Variants in TOP1 observed in about 807,000 individuals in gnomAD.
The protein encoded by TOP1 is DNA topoisomerase I.
TOP1 carries 10 observed loss-of-function variants against 111.1 expected under a neutral mutation model. That is an observed-to-expected ratio of 0.09 (90% CI 0.06 to 0.15). TOP1 has a LOEUF of 0.15. Among genes scored for constraint, TOP1 ranks in the 10% least tolerant of loss-of-function variants. The pLI, the probability that TOP1 is intolerant of heterozygous loss-of-function variation, is 1.00. For missense variants in TOP1, 474 were observed against 926.7 expected (o/e 0.51, Z 6.34); for synonymous variants, 271 against 302.9 (o/e 0.89, Z 1.10).
In TOP1 at chr20:41,028,961, G is replaced by T; in HGVS notation, c.-107G>T. ...CCCACAGTCACCGCCGCTTACCTGC[G>T]CCTCCTCGAGCCTCCGGAGTCCCCG... On this transcript the variant is annotated 5_prime_UTR_variant, in exon 1 of 21. Transcript: ENST00000361337. 1.1e-6 allele frequency: 1 copy of T among 906,902 alleles called. No homozygotes were observed. The highest frequency in any genetic ancestry group is 1.7e-6 in the Non-Finnish European group (1 of 591,140). 56.2% of individuals were successfully genotyped at this position (906,902 alleles called of 1,614,324 possible).
chr20:41,121,651 T>C lies in TOP1; in HGVS notation c.1951-45T>C, dbSNP rs2034424736. 6.6e-7 allele frequency: 1 copy of C among 1,515,734 alleles called. No individual in the cohort carries two copies. Among genetic ancestry groups the C allele is most frequent in the African/African-American group, 1.4e-5 (1 of 72,936 alleles). 93.9% of individuals were successfully genotyped at this position (1,515,734 alleles called of 1,614,324 possible). ...GGTTTCACCTTCTCAGGTGGAGCCA[T>C]TTTTCCTCTACAGCTCATAACCTTA... On this transcript the variant is annotated intron_variant, in intron 18 of 20. Coordinates refer to ENST00000361337, the MANE Select transcript of TOP1 (RefSeq NM_003286.4). The surrounding 1 kb of genome is among the most constrained non-coding windows in gnomAD (Gnocchi z 4.2).
At chr20:41,081,314 A>G (rs551719291) in intron 7 of TOP1, 74 bp downstream of exon 7, 1 of 1,500,770 alleles carries the variant, frequency 6.7e-7, no homozygotes, top group Admixed American at 2.4e-5. Flanking sequence ...ACTTCTTAAG[A>G]CAAATGAGTT....
chr20:41,032,489 G>GTAGCT lies in TOP1; in HGVS notation c.58+3035_58+3039dup, dbSNP rs2033133157. ...ATTATTACAGTACTGTACAGGCTGC[G>GTAGCT]TAGCTATCTGTAGAATTGATAATGG... On this transcript the variant is annotated intron_variant, in intron 2 of 20. Transcript: ENST00000361337. The surrounding 1 kb of genome is among the most constrained non-coding windows in gnomAD (Gnocchi z 4.3). 6.6e-6 allele frequency among the ~76,000 whole-genome samples: 1 copy of GTAGCT among 152,214 alleles called. No homozygotes were observed. Among genetic ancestry groups the GTAGCT allele is most frequent in the African/African-American group, 2.4e-5 (1 of 41,450 alleles).
rs998161697 is a variant in TOP1 at position 41,058,988 on chromosome 20, A to G, written c.59-2406A>G. 6.6e-6 allele frequency among the ~76,000 whole-genome samples: 1 copy of G among 152,192 alleles called. No homozygotes were observed. Among genetic ancestry groups the G allele is most frequent in the Non-Finnish European group, 1.5e-5 (1 of 68,038 alleles). On this transcript the variant is annotated intron_variant, in intron 2 of 20. Transcript: ENST00000361337. This position sits in a 1 kb window ranked among gnomAD's most constrained non-coding sequence, Gnocchi z 4.2. Reference sequence around the variant, plus strand: ...GTACACCACGGAATACTGTGCAGCCATAAGAAGAACGAGATTGTGTCCTTT... The same window carrying G: ...GTACACCACGGAATACTGTGCAGCCGTAAGAAGAACGAGATTGTGTCCTTT...
intron 2 of TOP1, among the ~76,000 whole-genome samples, chr20:41,033,068 A>G (rs1363295080): frequency 6.6e-6 from 1 of 152,178 alleles, no homozygotes; most frequent in Non-Finnish European, 1.5e-5. Flanking sequence ...CTTTGACATA[A>G]AAGAAAGTTG....
At position 41,100,270 on chromosome 20, in the gene TOP1, CA is replaced by C. The variant is rs2145951961; in HGVS notation, c.1163+32del. On this transcript the variant is annotated intron_variant, in intron 12 of 20. Coordinates refer to ENST00000361337, the MANE Select transcript of TOP1 (RefSeq NM_003286.4). This position sits in a 1 kb window ranked among gnomAD's most constrained non-coding sequence, Gnocchi z 4.4. ...TGAGCTCGCACTTCATCCTATGGGCCAAAAAGGGGGTGGAGGGCGTCCTTTA... is the reference window on the plus strand; with the variant it reads ...TGAGCTCGCACTTCATCCTATGGGCCAAAAGGGGGTGGAGGGCGTCCTTTA... 1.9e-6 allele frequency: 3 copies of C among 1,584,192 alleles called. No homozygotes were observed. The highest frequency in any genetic ancestry group is 1.7e-6 in the Non-Finnish European group (2 of 1,162,486).
rs1333745375 is a variant in TOP1 at position 41,078,889 on chromosome 20, T to G, written c.336-1196T>G. ...ACTGGAATACAGTTTTCAGGTAAATTGTTTTAGGACTTCTTCCTTCAGACC... is the reference window on the plus strand; with the variant it reads ...ACTGGAATACAGTTTTCAGGTAAATGGTTTTAGGACTTCTTCCTTCAGACC... On this transcript the variant is annotated intron_variant, in intron 5 of 20. Coordinates refer to ENST00000361337, the MANE Select transcript of TOP1 (RefSeq NM_003286.4). This position sits in a 1 kb window ranked among gnomAD's most constrained non-coding sequence, Gnocchi z 5.3. Among the ~76,000 whole-genome samples, 1 of 152,184 alleles carries G rather than the reference T, an allele frequency of 6.6e-6. No homozygotes were observed. The highest frequency in any genetic ancestry group is 2.4e-5 in the African/African-American group (1 of 41,448).
At chr20:41,037,122 G>A (rs1008810936) in intron 2 of TOP1, among the ~76,000 whole-genome samples, 6 of 152,090 alleles carry the variant, frequency 3.9e-5, no homozygotes, top group South Asian at 4.1e-4. Flanking sequence ...GAGCCACCGC[G>A]CCAAGCCTAA....
At chr20:41,041,308 AG>A (rs2122595852) in intron 2 of TOP1, among the ~76,000 whole-genome samples, 2 of 151,974 alleles carry the variant, frequency 1.3e-5, no homozygotes, top group Non-Finnish European at 2.9e-5. Flanking sequence ...AAATTAGCCA[AG>A]CATGGTGGTG....
In TOP1 at chr20:41,029,952, G is replaced by A. The variant is rs1190829794; in HGVS notation, c.58+497G>A. ...TTATTATTTTTTAAACTTTATTTTG[G>A]GGGTTATTCCCTTTATGCTTCATGT... On this transcript the variant is annotated intron_variant, in intron 2 of 20. Coordinates refer to ENST00000361337, the MANE Select transcript of TOP1 (RefSeq NM_003286.4). The surrounding 1 kb of genome is among the most constrained non-coding windows in gnomAD (Gnocchi z 6.1). Among the ~76,000 whole-genome samples the A allele has an allele frequency of 6.6e-6, 1 of 152,132 alleles. No homozygotes were observed. Among genetic ancestry groups the A allele is most frequent in the African/African-American group, 2.4e-5 (1 of 41,422 alleles).
At chr20:41,111,498 TG>T (rs2034239039) in intron 13 of TOP1, among the ~76,000 whole-genome samples, 1 of 152,178 alleles carries the variant, frequency 6.6e-6, no homozygotes, top group Admixed American at 6.5e-5. Flanking sequence ...TTTTAATTTC[TG>T]AGTACTTTTA....
intron 18 of TOP1, among the ~76,000 whole-genome samples, chr20:41,120,310 T>G (rs553978833): frequency 9.2e-5 from 14 of 152,232 alleles, no homozygotes; most frequent in African/African-American, 3.4e-4. Flanking sequence ...GTAAAACATA[T>G]TTAGTGATCC....
intron 3 of TOP1, among the ~76,000 whole-genome samples, chr20:41,073,945 A>G (rs575618382): frequency 6.6e-6 from 1 of 152,296 alleles, no homozygotes; most frequent in African/African-American, 2.4e-5. Context: ...CCTTGTATAG[A>G]TGACTGTATA....
At chr20:41,120,876 G>T (rs2145972833) in intron 18 of TOP1, among the ~76,000 whole-genome samples, 1 of 152,252 alleles carries the variant, frequency 6.6e-6, no homozygotes, top group East Asian at 1.9e-4. Flanking sequence ...CGAGTAGCTG[G>T]GACTACAGGC....
rs1006558317 is a variant in TOP1, at chr20:41,046,142, A to C, written c.59-15252A>C. On this transcript the variant is annotated intron_variant, in intron 2 of 20. Transcript: ENST00000361337. This position sits in a 1 kb window ranked among gnomAD's most constrained non-coding sequence, Gnocchi z 4.3. Reference sequence around the variant, plus strand: ...GAAAATGAATAGGAATGAAATAAATAGCTGATATTTGAACATTTTTAATGC... The same window carrying C: ...GAAAATGAATAGGAATGAAATAAATCGCTGATATTTGAACATTTTTAATGC... Among the ~76,000 whole-genome samples, 1 of 152,218 alleles carries C rather than the reference A, an allele frequency of 6.6e-6. No homozygotes were observed.
At chr20:41,081,370 A>G (rs2033786593) in intron 7 of TOP1, 130 bp downstream of exon 7, 2 of 1,113,920 alleles carry the variant, frequency 1.8e-6, no homozygotes, top group Non-Finnish European at 2.4e-6. Context: ...AACAAATTTA[A>G]TAAGTGGTGG....
In TOP1 at chr20:41,029,401, G is replaced by T; in HGVS notation, c.34-30G>T. The T allele has an allele frequency of 6.8e-7, 1 of 1,460,928 alleles. No individual in the cohort carries two copies. The highest frequency in any genetic ancestry group is 9.1e-7 in the Non-Finnish European group (1 of 1,102,666). 90.5% of individuals were successfully genotyped at this position (1,460,928 alleles called of 1,614,324 possible). ...CGCCGGAGGGGTTAAAGTGGCTGTT[G>T]TTTGATATTCTCTCCTTTTCTTTTT... is the stretch of plus-strand genomic sequence containing the variant. On this transcript the variant is annotated intron_variant, in intron 1 of 20. Transcript: ENST00000361337. This position sits in a 1 kb window ranked among gnomAD's most constrained non-coding sequence, Gnocchi z 6.1.
At chr20:41,041,288 A>G (rs2033260804) in intron 2 of TOP1, among the ~76,000 whole-genome samples, 1 of 152,046 alleles carries the variant, frequency 6.6e-6, no homozygotes, top group Admixed American at 6.5e-5. Flanking sequence ...TCTCTACAAA[A>G]AAATAACAAA....
intron 8 of TOP1, among the ~76,000 whole-genome samples, chr20:41,089,020 CTTTTTT>C (rs59200685): frequency 2.1e-4 from 16 of 77,894 alleles, no homozygotes; most frequent in Admixed American, 9.9e-4. Flanking sequence ...TGCCCCAGTT[CTTTTTT>C]TTTTTTTTTT....
Sources: gnomAD v4.1 joint callset for allele counts (sites outside exome capture counted in the v4.1 genomes callset) on GRCh38, gnomAD v4.1.1 for gene constraint, Gnocchi (gnomAD v3.1) non-coding constraint, MANE v1.5 for transcripts, NCBI Gene and HGNC (gene_info 2026-07-23, HGNC 2026-07-21) for gene names.